SP140: variants seen among roughly 807,000 people sequenced by gnomAD.
SP140 encodes SP140 nuclear body protein.
SP140 carries 81 observed loss-of-function variants against 125.0 expected under a neutral mutation model. The observed-to-expected ratio is 0.65, with a 90% confidence interval of 0.54 to 0.78. The LOEUF (loss-of-function observed/expected upper bound fraction) is 0.78. Ranked by LOEUF, SP140 falls within the 30% of genes least tolerant of loss-of-function variation. The pLI, the probability that SP140 is intolerant of heterozygous loss-of-function variation, is 0.00. For synonymous variants in SP140, 312 were observed against 354.0 expected (o/e 0.88, Z 1.33); for missense variants, 858 against 1,037.0 (o/e 0.83, Z 2.37).
upstream of SP140, among the ~76,000 whole-genome samples, chr2:230,223,950 C>T (rs552139399): frequency 3.9e-5 from 6 of 152,276 alleles, no homozygotes; most frequent in African/African-American, 1.4e-4. Context: ...CCACTGGTCA[C>T]GTGGCAGTAA....
intron 1 of SP140, among the ~76,000 whole-genome samples, chr2:230,213,297 T>A (rs2044703714): frequency 6.6e-6 from 1 of 152,206 alleles, no homozygotes; most frequent in African/African-American, 2.4e-5. Flanking sequence ...TGAGTTTGGG[T>A]TTGTACCCAG....
At chr2:230,236,191 A>G (rs969446296) in intron 1 of SP140, among the ~76,000 whole-genome samples, 1 of 152,038 alleles carries the variant, frequency 6.6e-6, no homozygotes, top group Admixed American at 6.6e-5. Flanking sequence ...TGTATTCTTA[A>G]TCAAACCTTA....
At chr2:230,290,806 A>T (rs746157135) in intron 19 of SP140, among the ~76,000 whole-genome samples, 15 of 152,222 alleles carry the variant, frequency 9.9e-5, no homozygotes, top group Non-Finnish European at 1.9e-4. Flanking sequence ...AGGAACATCA[A>T]TTCACAGATG....
chr2:230,203,321 G>A lies in SP140; in HGVS notation c.-323+42G>A, dbSNP rs60715455. ...GTGGAAAAAGAACACAATTTTCACC[G>A]GCTGTTGACTTTAGAAGCTGATCCC... On this transcript the variant is annotated intron_variant, in intron 1 of 4. Coordinates refer to the SP140 transcript ENST00000456542. 1,237 of 160,312 alleles carry A rather than the reference G, an allele frequency of 7.7e-3. 10 individuals are homozygous for A. Among genetic ancestry groups the A allele is most frequent in the African/African-American group, 0.028 (1,168 of 41,602 alleles). 9.9% of individuals were successfully genotyped at this position (160,312 alleles called of 1,614,324 possible). A position where few individuals can be genotyped will look rare whatever the true frequency, so the allele number is the denominator to read the frequency against.
intron 21 of SP140, among the ~76,000 whole-genome samples, chr2:230,294,721 T>G (rs2057507455): frequency 6.6e-6 from 1 of 152,222 alleles, no homozygotes; most frequent in African/African-American, 2.4e-5. Context: ...GAAGTTACTA[T>G]TTTCTAACTT....
intron 6 of SP140, among the ~76,000 whole-genome samples, 173 bp downstream of exon 6, chr2:230,245,253 G>A (rs1448912857): frequency 6.6e-6 from 1 of 152,268 alleles, no homozygotes; most frequent in East Asian, 1.9e-4. Flanking sequence ...AAGTCCTTTA[G>A]TGGAGGGGCT....
At chr2:230,280,612 C>G (rs1447448415) in intron 15 of SP140, among the ~76,000 whole-genome samples, 2 of 151,952 alleles carry the variant, frequency 1.3e-5, no homozygotes, top group Non-Finnish European at 2.9e-5. Flanking sequence ...CCCCTTTCTC[C>G]CTGCTGGTTT....
At chr2:230,207,497 G>C (rs2148893843) in intron 1 of SP140, among the ~76,000 whole-genome samples, 1 of 152,262 alleles carries the variant, frequency 6.6e-6, no homozygotes, top group East Asian at 1.9e-4. Flanking sequence ...CAGCTGCATA[G>C]ATGGCTAGCA....
chr2:230,268,644 ATATCTAATTG>A (rs2053493284), intron 12 of SP140, among the ~76,000 whole-genome samples: 3 of 152,234 alleles, frequency 2.0e-5, no homozygotes, highest in African/African-American at 4.8e-5. Context: ...CCAACTGAAA[ATATCTAATTG>A]TATCTAATTG....
intron 18 of SP140, among the ~76,000 whole-genome samples, chr2:230,289,333 T>C (rs1219191379): frequency 6.6e-6 from 1 of 152,192 alleles, no homozygotes; most frequent in East Asian, 1.9e-4. Context: ...TGTAAATTTG[T>C]TTTAAGTTTC....
chr2:230,252,376 C>T (rs149378514), intron 10 of SP140, among the ~76,000 whole-genome samples: 30 of 151,998 alleles, frequency 2.0e-4, no homozygotes, highest in Admixed American at 3.3e-4. Context: ...CTTCATGTGC[C>T]TTAATAGGCA....
intron 12 of SP140, among the ~76,000 whole-genome samples, chr2:230,262,476 T>G (rs1187052548): frequency 6.6e-6 from 1 of 152,154 alleles, no homozygotes; most frequent in Non-Finnish European, 1.5e-5. Flanking sequence ...TTTCCTTTCT[T>G]CTGCTGGGTT....
intron 3 of SP140, among the ~76,000 whole-genome samples, chr2:230,215,827 C>A (rs991590484): frequency 3.9e-5 from 6 of 152,168 alleles, no homozygotes; most frequent in African/African-American, 1.2e-4. Context: ...TACCCATTTA[C>A]AATTGAGAGT....
chr2:230,249,168 G>A (rs1162330199), intron 9 of SP140, among the ~76,000 whole-genome samples, 200 bp downstream of exon 9: 3 of 152,158 alleles, frequency 2.0e-5, no homozygotes, highest in Non-Finnish European at 2.9e-5. Context: ...GAGCCCCTGA[G>A]TGGGGACCAT....
Position 230,301,725 on chromosome 2 carries a change from GA to G in SP140, c.2058+4270del, listed in dbSNP as rs542543895. Among the ~76,000 whole-genome samples the G allele has an allele frequency of 9.7e-4, 147 of 151,778 alleles. 2 individuals carry two copies. The highest frequency in any genetic ancestry group is 3.4e-3 in the Middle Eastern group (1 of 294). On this transcript the variant is annotated intron_variant, in intron 22 of 26. Transcript: ENST00000392045. ...CAGGCCTATTAAAAAATAACACAAT[GA>G]AAAAAATAAGGTATTCAGGCAACAG... is the stretch of plus-strand genomic sequence containing the variant.
intron 22 of SP140, 48 bp from the exon 23 acceptor site, chr2:230,309,876 C>G (rs764856238): frequency 6.2e-7 from 1 of 1,604,768 alleles, no homozygotes. Flanking sequence ...GGTTGGCCTT[C>G]CTGAATCTTG....
At chr2:230,308,147 C>T (rs1386369944) in intron 22 of SP140, among the ~76,000 whole-genome samples, 1 of 151,346 alleles carries the variant, frequency 6.6e-6, no homozygotes, top group Non-Finnish European at 1.5e-5. Context: ...AATGGAAAAC[C>T]AAACAACGTG....
the SP140 span, among the ~76,000 whole-genome samples, chr2:230,196,756 T>C: frequency 1.3e-5 from 2 of 149,852 alleles, no homozygotes; most frequent in Admixed American, 1.3e-4. Context: ...TGTGCTCTCA[T>C]TGTTCAATTC....
chr2:230,300,890 G>T, intron 22 of SP140, among the ~76,000 whole-genome samples: 1 of 152,132 alleles, frequency 6.6e-6, no homozygotes, highest in South Asian at 2.1e-4. Flanking sequence ...CAACTTAAAG[G>T]AATTAAAATA....
Sources: allele counts gnomAD v4.1 joint callset (sites outside exome capture counted in the v4.1 genomes callset), GRCh38; gene constraint gnomAD v4.1.1; transcripts MANE v1.5; gene names NCBI Gene and HGNC (gene_info 2026-07-23, HGNC 2026-07-21).